Variants in FAM222B observed in about 807,000 individuals in gnomAD.
The protein encoded by FAM222B is family with sequence similarity 222 member B.
FAM222B carries 12 observed loss-of-function variants against 38.0 expected under a neutral mutation model. The observed-to-expected ratio is 0.32, with a 90% CI of 0.20 to 0.51. The LOEUF (loss-of-function observed/expected upper bound fraction) is 0.51, where lower values mean the gene tolerates loss of function less well. Ranked by LOEUF, FAM222B falls within the 20% of genes least tolerant of loss-of-function variation. The pLI is 0.97. For synonymous variants in FAM222B, 329 were observed against 317.2 expected, an observed-to-expected ratio of 1.04 and a Z score of -0.40; for missense variants, 716 against 754.2, an observed-to-expected ratio of 0.95 and a Z score of 0.59.
chr17:28,764,842 T>C (rs1017882906), intron 2 of FAM222B, among the ~76,000 whole-genome samples: 6 of 152,274 alleles, frequency 3.9e-5, no homozygotes, highest in African/African-American at 7.2e-5. Context: ...TCCCTTGATA[T>C]CACATCTTTG....
intron 1 of FAM222B, among the ~76,000 whole-genome samples, chr17:28,827,602 A>T (rs1016185494): frequency 6.6e-6 from 1 of 152,190 alleles, no homozygotes; most frequent in Non-Finnish European, 1.5e-5. Context: ...AACAGGGAAG[A>T]CTTCACAGAA....
At chr17:28,820,868 C>T (rs1220382845) in intron 1 of FAM222B, among the ~76,000 whole-genome samples, 4 of 151,702 alleles carry the variant, frequency 2.6e-5, no homozygotes, top group African/African-American at 7.3e-5. Flanking sequence ...AAACTCCTGA[C>T]GACCTTAAAT....
rs146763787 is a variant in FAM222B, at chr17:28,805,140, T to C, written c.-41+37542A>G. ...TGGGAGGCCAAGGTGGGAGGATCAT[T>C]GGAGCCCAGGAGTTTGGGACCAACC... On this transcript the variant is annotated intron_variant, in intron 1 of 2. Coordinates refer to ENST00000581407, the MANE Select transcript of FAM222B (RefSeq NM_001077498.3). 1.9e-3 allele frequency among the ~76,000 whole-genome samples: 294 copies of C among 152,152 alleles called. No individual in the cohort carries two copies. In the East Asian group the frequency reaches 0.033, roughly 17 times the overall value.
rs1204398597 is a variant in FAM222B, at chr17:28,765,524, G to A, written c.82+1062C>T. Among the ~76,000 whole-genome samples the A allele has an allele frequency of 3.3e-5, 5 of 152,312 alleles. No homozygotes were observed. The East Asian group carries it at 9.6e-4, about 29-fold the overall frequency. ...GCTGAAGCACCTTTCCTATCAAAGG[G>A]AAGCCTAGCCACCTCAATGATTTCC... On this transcript the variant is annotated intron_variant, in intron 2 of 2. Transcript: ENST00000581407.
intron 1 of FAM222B, among the ~76,000 whole-genome samples, chr17:28,772,043 C>A (rs34849115): frequency 0.42 from 63,804 of 151,824 alleles, 16,342 homozygotes; most frequent in East Asian, 0.59. Context: ...GGCAACAGAG[C>A]GAGACTATGT....
At chr17:28,771,026 T>A (rs920740295) in intron 1 of FAM222B, among the ~76,000 whole-genome samples, 3 of 148,736 alleles carry the variant, frequency 2.0e-5, no homozygotes, top group South Asian at 2.1e-4. Flanking sequence ...TTTTTTTTTT[T>A]AAAGGAGAGG....
chr17:28,789,222 A>G (rs539975283), intron 1 of FAM222B, among the ~76,000 whole-genome samples: 2 of 137,918 alleles, frequency 1.5e-5, no homozygotes, highest in African/African-American at 5.4e-5. Context: ...TTTGAGATGG[A>G]GTCTCGCTCT....
chr17:28,759,758 C>G lies in FAM222B; in HGVS notation c.201G>C (p.Lys67Asn). ...GACGAACGTGTTTCCGCTGGGGAAC[C>G]TTCACACTGTTGGGGAAGATTTTTA... ...LTIKIFPNSV[K>N]VPQRKHVRRT... Residue 67 changes from lysine to asparagine, a missense_variant, in exon 3 of 3, where the codon AAG (lysine) becomes AAC (asparagine). Transcript: ENST00000581407. This position sits in a 1 kb window ranked among gnomAD's most constrained non-coding sequence, Gnocchi z 4.8. The G allele has an allele frequency of 6.2e-7, 1 of 1,613,682 alleles. No homozygotes were observed. Among genetic ancestry groups the G allele is most frequent in the Non-Finnish European group, 8.5e-7 (1 of 1,179,760 alleles).
chr17:28,811,589 AGACTTTT>A (rs2037770489), intron 1 of FAM222B, among the ~76,000 whole-genome samples: 1 of 152,226 alleles, frequency 6.6e-6, no homozygotes, highest in Non-Finnish European at 1.5e-5. Flanking sequence ...GAAAAAGATA[AGACTTTT>A]AAGTTTCAGC....
At chr17:28,822,092 G>A (rs1598018307) in intron 1 of FAM222B, among the ~76,000 whole-genome samples, 1 of 146,334 alleles carries the variant, frequency 6.8e-6, no homozygotes, top group Non-Finnish European at 1.5e-5. Context: ...TGCGATCTCG[G>A]CTCACTGCAA....
At chr17:28,821,105 G>A (rs971918243) in intron 1 of FAM222B, among the ~76,000 whole-genome samples, 5 of 151,902 alleles carry the variant, frequency 3.3e-5, no homozygotes, top group African/African-American at 9.7e-5. Flanking sequence ...ACAGGCACGC[G>A]CCACCACACC....
intron 1 of FAM222B, among the ~76,000 whole-genome samples, chr17:28,767,382 T>C (rs1358270435): frequency 6.6e-6 from 1 of 152,198 alleles, no homozygotes; most frequent in Non-Finnish European, 1.5e-5. Flanking sequence ...GGTCTCGAAC[T>C]CCTGACCTCA....
intron 1 of FAM222B, among the ~76,000 whole-genome samples, chr17:28,774,867 G>A (rs2035807430): frequency 1.3e-5 from 2 of 151,690 alleles, no homozygotes; most frequent in South Asian, 4.2e-4. Context: ...GCTTGAACTC[G>A]GGAGGTGGAG....
At chr17:28,850,184 T>A (rs923107892) in intron 1 of FAM222B, among the ~76,000 whole-genome samples, 4 of 152,072 alleles carry the variant, frequency 2.6e-5, no homozygotes, top group Admixed American at 2.6e-4. Context: ...GCCTCACTCT[T>A]GATAGCATGA....
intron 2 of FAM222B, among the ~76,000 whole-genome samples, chr17:28,764,651 G>A (rs1211049829): frequency 6.6e-6 from 1 of 151,810 alleles, no homozygotes; most frequent in Non-Finnish European, 1.5e-5. Flanking sequence ...AAGAGGCTGA[G>A]GTAGAGAATC....
chr17:28,760,260 G>A (rs1025393839), intron 2 of FAM222B, among the ~76,000 whole-genome samples: 3 of 152,092 alleles, frequency 2.0e-5, no homozygotes, highest in East Asian at 1.9e-4. Flanking sequence ...AGAGGTAACC[G>A]AGAGTTCTCC....
chr17:28,854,279 A>T (rs568645351), intron 1 of FAM222B, among the ~76,000 whole-genome samples: 1 of 152,310 alleles, frequency 6.6e-6, no homozygotes, highest in Admixed American at 6.5e-5. Context: ...GCTACAAAGG[A>T]TGAAGAGGGC....
At chr17:28,769,340 G>A (rs562878272) in intron 1 of FAM222B, among the ~76,000 whole-genome samples, 13 of 151,856 alleles carry the variant, frequency 8.6e-5, no homozygotes, top group Admixed American at 2.6e-4. Context: ...CACCATGCCC[G>A]GATAATTTTT....
intron 1 of FAM222B, among the ~76,000 whole-genome samples, chr17:28,795,706 G>A (rs1245884159): frequency 6.6e-6 from 1 of 152,122 alleles, no homozygotes; most frequent in Non-Finnish European, 1.5e-5. Context: ...GGGATTACAG[G>A]CACTGGATTA....
Sources: gnomAD v4.1 joint callset for allele counts (sites outside exome capture counted in the v4.1 genomes callset) on GRCh38, gnomAD v4.1.1 for gene constraint, Gnocchi (gnomAD v3.1) non-coding constraint, MANE v1.5 for transcripts, NCBI Gene and HGNC (gene_info 2026-07-23, HGNC 2026-07-21) for gene names.